The following ACACA variants were observed in gnomAD, a reference collection of about 807,000 sequenced individuals.
The protein encoded by ACACA is acetyl-CoA carboxylase 1.
ACACA carries 103 observed loss-of-function variants against 296.1 expected under a neutral mutation model. The ratio of observed to expected loss-of-function variants is 0.35; its 90% CI spans 0.30 to 0.41. ACACA has a LOEUF of 0.41. ACACA is among the 10% of genes least tolerant of loss of function. The pLI is 1.00. For missense variants in ACACA, 1,554 were observed against 2,989.7 expected (o/e 0.52, Z 11.20); for synonymous variants, 953 against 1,038.6 (o/e 0.92, Z 1.58).
chr17:37,210,937 G>A (rs2078722739), intron 29 of ACACA, among the ~76,000 whole-genome samples: 1 of 152,040 alleles, frequency 6.6e-6, no homozygotes, highest in South Asian at 2.1e-4. Context: ...GAGGTCCAGG[G>A]AAGTTGATTC....
intron 54 of ACACA, among the ~76,000 whole-genome samples, chr17:37,091,749 T>G (rs1242680248): frequency 6.6e-6 from 1 of 151,848 alleles, no homozygotes; most frequent in Non-Finnish European, 1.5e-5. Flanking sequence ...CTGGCAAAAC[T>G]TTTTTTGGTA....
At chr17:37,166,714 T>C (rs987884987) in intron 41 of ACACA, among the ~76,000 whole-genome samples, 5 of 152,194 alleles carry the variant, frequency 3.3e-5, no homozygotes, top group African/African-American at 1.2e-4. Context: ...CCGTATAACC[T>C]TGGACACTTA....
intron 42 of ACACA, among the ~76,000 whole-genome samples, chr17:37,158,647 C>CA (rs1278269135): frequency 6.6e-6 from 1 of 151,692 alleles, no homozygotes; most frequent in Non-Finnish European, 1.5e-5. Context: ...CAAAACAAAA[C>CA]AAAAAAACAG....
At chr17:37,298,368 A>G (rs1260667789) in intron 3 of ACACA, among the ~76,000 whole-genome samples, 1 of 152,206 alleles carries the variant, frequency 6.6e-6, no homozygotes, top group African/African-American at 2.4e-5. Flanking sequence ...AAAACTCTAC[A>G]TTATAAAAAC....
chr17:37,270,975 A>G, intron 9 of ACACA, 114 bp from the exon 10 acceptor site: 2 of 766,888 alleles, frequency 2.6e-6, no homozygotes, highest in Non-Finnish European at 4.5e-6. Context: ...TAAATACAAT[A>G]AAATAGAAAG....
rs2072117059 is a variant in ACACA, at chr17:37,085,166, C to T, written c.*2150G>A. The stretch of plus-strand genomic sequence containing the variant: ...CAAGCAGGTCTTGGTCAATATCCAT[C>T]ATTTATACTCCTCCTGCCTTAGTAG... On this transcript the variant is annotated 3_prime_UTR_variant, in exon 56 of 56. Transcript: ENST00000616317. 6.4e-6 allele frequency: 1 copy of T among 156,244 alleles called. No individual in the cohort carries two copies. Among genetic ancestry groups the T allele is most frequent in the Non-Finnish European group, 1.4e-5 (1 of 70,926 alleles). The allele number at this position is 156,244 out of a possible 1,614,324, so 9.7% of individuals were successfully genotyped here.
chr17:37,169,053 G>A (rs2076790884), intron 41 of ACACA, among the ~76,000 whole-genome samples: 1 of 152,138 alleles, frequency 6.6e-6, no homozygotes, highest in Non-Finnish European at 1.5e-5. Context: ...ATAAAAGGAC[G>A]TTTGCACTGA....
chr17:37,384,121 G>A lies in ACACA; in HGVS notation c.38+22141C>T, dbSNP rs551875582. On this transcript the variant is annotated intron_variant, in intron 1 of 55. Transcript: ENST00000616317. ...TCTACTAAAAATACAAAAATTAGCC[G>A]GGTGTAGTGGTGTGCGCCTGTTGTC... Among the ~76,000 whole-genome samples the A allele has an allele frequency of 1.1e-4, 16 of 152,228 alleles. No homozygotes were observed. In the East Asian group the frequency reaches 1.7e-3, roughly 17 times the overall value.
intron 42 of ACACA, 108 bp from the exon 43 acceptor site, chr17:37,155,888 C>T (rs1311488867): frequency 7.8e-6 from 6 of 770,908 alleles, no homozygotes; most frequent in Non-Finnish European, 1.1e-5. Context: ...CTTTAAATTG[C>T]CACATCACTT....
intron 39 of ACACA, among the ~76,000 whole-genome samples, chr17:37,181,928 A>AAAT (rs1491431501): frequency 1.3e-5 from 2 of 149,362 alleles, no homozygotes; most frequent in African/African-American, 4.9e-5. Flanking sequence ...AAAAAAAAAA[A>AAAT]GGAAATAAAC....
chr17:37,167,119 ATTT>A (rs11290127), intron 41 of ACACA, among the ~76,000 whole-genome samples: 4 of 101,342 alleles, frequency 3.9e-5, no homozygotes, highest in African/African-American at 7.5e-5. Context: ...TAATTTTTGC[ATTT>A]TTTTTTTTTT....
intron 1 of ACACA, among the ~76,000 whole-genome samples, chr17:37,390,307 TATATA>T (rs1294538586): frequency 2.3e-5 from 1 of 42,952 alleles, no homozygotes; most frequent in Admixed American, 4.7e-4. Context: ...TACATAATTA[TATATA>T]TATATATATA....
chr17:37,319,029 CCTTT>C (rs1158979210), intron 3 of ACACA, among the ~76,000 whole-genome samples: 1 of 152,138 alleles, frequency 6.6e-6, no homozygotes, highest in African/African-American at 2.4e-5. Context: ...GGTAAATCTT[CCTTT>C]ATTTTTCCTT....
rs765097577 is a variant in ACACA at position 37,129,401 on chromosome 17, C to T, written c.5908G>A (p.Asp1970Asn). 1.1e-5 allele frequency: 18 copies of T among 1,613,916 alleles called. No homozygotes were observed. The highest frequency in any genetic ancestry group is 1.5e-5 in the Non-Finnish European group (18 of 1,179,984). Residue 1970 changes from aspartate to asparagine, a missense_variant, in exon 47 of 56, where the codon GAT becomes AAT. Asp to Asn is a conservative substitution (Grantham distance 23). Transcript: ENST00000616317. ...IEFVPTKTPYDPRWMLAGRPH... is the reference protein window; with the variant it reads ...IEFVPTKTPYNPRWMLAGRPH... ...CGGCCTGCTAGCATCCATCGAGGAT[C>T]GTATGGGGTCTTTGTGGGAACAAAC...
intron 1 of ACACA, among the ~76,000 whole-genome samples, chr17:37,357,742 G>T (rs2049207781): frequency 6.6e-6 from 1 of 152,140 alleles, no homozygotes; most frequent in Non-Finnish European, 1.5e-5. Flanking sequence ...GTAAACTGTG[G>T]TCCTGCTCTA....
At chr17:37,280,729 T>TC (rs1567933861) in intron 5 of ACACA, among the ~76,000 whole-genome samples, 5 of 72,380 alleles carry the variant, frequency 6.9e-5, no homozygotes, top group African/African-American at 2.9e-4. Context: ...TTTACATAGT[T>TC]AACACACACA....
At chr17:37,316,046 G>T (rs915494641) in intron 3 of ACACA, among the ~76,000 whole-genome samples, 1 of 151,972 alleles carries the variant, frequency 6.6e-6, no homozygotes, top group Non-Finnish European at 1.5e-5. Context: ...GATACTTACC[G>T]GTCAAGAAAT....
intron 50 of ACACA, among the ~76,000 whole-genome samples, chr17:37,117,926 A>G (rs2074337045): frequency 6.6e-6 from 1 of 152,042 alleles, no homozygotes; most frequent in South Asian, 2.1e-4. Context: ...GTTTGTGTGC[A>G]CTGAGGGATG....
At chr17:37,321,895 G>C (rs1457485730) in intron 3 of ACACA, among the ~76,000 whole-genome samples, 1 of 146,996 alleles carries the variant, frequency 6.8e-6, no homozygotes. Context: ...AGTAAGCCGA[G>C]ATCGTGCCAC....
Sources: gnomAD v4.1 joint callset for allele counts (sites outside exome capture counted in the v4.1 genomes callset) on GRCh38, gnomAD v4.1.1 for gene constraint, MANE v1.5 for transcripts, NCBI Gene and HGNC (gene_info 2026-07-23, HGNC 2026-07-21) for gene names.